The following GRK4 variants were observed in gnomAD, a reference collection of about 807,000 sequenced individuals.
The protein encoded by GRK4 is G protein-coupled receptor kinase 4, also known as G protein-coupled receptor kinase 2-like.
A neutral mutation model predicts 77.9 loss-of-function variants in GRK4; 73 were observed. That is an observed-to-expected ratio of 0.94 (90% confidence interval 0.78 to 1.14). The LOEUF (loss-of-function observed/expected upper bound fraction) is 1.14, where lower values mean the gene tolerates loss of function less well. GRK4 is among the 50% of genes most tolerant of loss of function. The probability of loss-of-function intolerance (pLI) is 0.00; values close to 1 mark genes in which losing one functional copy is unlikely to be tolerated. For missense variants in GRK4, 729 were observed against 700.2 expected, an observed-to-expected ratio of 1.04 and a Z score of -0.46; for synonymous variants, 257 against 254.4, an observed-to-expected ratio of 1.01 and a Z score of -0.10.
At chr4:3,013,888 C>T (rs1045506064) in intron 8 of GRK4, 60 bp downstream of exon 8, 69 of 1,499,300 alleles carry the variant, frequency 4.6e-5, no homozygotes, top group Non-Finnish European at 6.0e-5. Context: ...TTTTGTCAGC[C>T]GACATGCCGC....
chr4:2,975,259 C>T (rs1376183499), intron 1 of GRK4, among the ~76,000 whole-genome samples: 2 of 152,152 alleles, frequency 1.3e-5, no homozygotes, highest in African/African-American at 4.8e-5. Context: ...GCCAAGATCA[C>T]ACCACTGCAC....
At chr4:2,990,867 C>T (rs1390917429) in intron 3 of GRK4, among the ~76,000 whole-genome samples, 1 of 152,092 alleles carries the variant, frequency 6.6e-6, no homozygotes, top group Non-Finnish European at 1.5e-5. Flanking sequence ...GAAATAATGT[C>T]TGATTGTGCC....
chr4:3,013,162 G>A (rs926462106), intron 7 of GRK4, among the ~76,000 whole-genome samples: 6 of 151,798 alleles, frequency 4.0e-5, no homozygotes, highest in Non-Finnish European at 8.8e-5. Context: ...TCCTGCCTCA[G>A]CCTCTGGAGT....
chr4:3,025,976 C>T (rs1281669969), intron 10 of GRK4, among the ~76,000 whole-genome samples: 1 of 152,270 alleles, frequency 6.6e-6, no homozygotes, highest in African/African-American at 2.4e-5. Context: ...TCATGGACGG[C>T]TTCCGTCCGT....
At chr4:2,969,751 GC>G (rs1718925124) in intron 1 of GRK4, among the ~76,000 whole-genome samples, 3 of 151,686 alleles carry the variant, frequency 2.0e-5, no homozygotes, top group African/African-American at 7.3e-5. Flanking sequence ...AGCTACTGAA[GC>G]CTCAAAGCCT....
chr4:2,986,950 C>T (rs1578065771), intron 2 of GRK4: 1 of 313,548 alleles, frequency 3.2e-6, no homozygotes, highest in East Asian at 8.3e-5. Flanking sequence ...TAAATAACTG[C>T]TTCTTGAAGA....
rs199754747 is a variant in GRK4 at position 3,004,315 on chromosome 4, G to A, written c.424G>A (p.Ala142Thr). The A allele has an allele frequency of 1.2e-6, 2 of 1,610,744 alleles. No individual in the cohort carries two copies. Among genetic ancestry groups the A allele is most frequent in the East Asian group, 2.2e-5 (1 of 44,856 alleles). The change falls in exon 5 of 16, where the codon GCC (alanine) becomes ACC (threonine). Residue 142 changes from alanine (A) to threonine (T), a missense_variant. Physicochemically the swap from Ala to Thr is moderately conservative, Grantham distance 58 (BLOSUM62 0). Transcript: ENST00000398052. Reference protein sequence around the residue: ...GLKEENPSKKAFEECTRVAHN... With the variant: ...GLKEENPSKKTFEECTRVAHN... ...GAAGGAGGAGAACCCTTCCAAAAAA[G>A]CCTTTGAGGAATGTACTAGGTAAGT...
At chr4:3,022,809 T>C (rs1040796811) in intron 10 of GRK4, among the ~76,000 whole-genome samples, 10 of 152,258 alleles carry the variant, frequency 6.6e-5, no homozygotes, top group Non-Finnish European at 1.0e-4. Context: ...ATCTCAGCTT[T>C]CTGCATAGCT....
At chr4:2,988,912 G>A (rs568609486) in intron 3 of GRK4, 73 bp downstream of exon 3, 20 of 926,394 alleles carry the variant, frequency 2.2e-5, no homozygotes, top group African/African-American at 9.7e-5. Flanking sequence ...TTGGCCAGGC[G>A]CAGTAGCTCA....
At chr4:2,981,040 T>G (rs927965079) in intron 1 of GRK4, among the ~76,000 whole-genome samples, 1 of 152,264 alleles carries the variant, frequency 6.6e-6, no homozygotes, top group African/African-American at 2.4e-5. Flanking sequence ...GCTGTGGCTG[T>G]GGCTAGACCA....
intron 1 of GRK4, among the ~76,000 whole-genome samples, chr4:2,972,981 C>T (rs1402967347): frequency 1.3e-5 from 2 of 152,152 alleles, no homozygotes; most frequent in African/African-American, 4.8e-5. Flanking sequence ...GTGATCTGCC[C>T]AACTCAGCCT....
chr4:2,974,196 T>G (rs1489562186), intron 1 of GRK4, among the ~76,000 whole-genome samples: 1 of 152,200 alleles, frequency 6.6e-6, no homozygotes, highest in Non-Finnish European at 1.5e-5. Context: ...TAGCACTTAT[T>G]ATTATCTCAT....
intron 9 of GRK4, among the ~76,000 whole-genome samples, chr4:3,022,198 T>C (rs1274982429): frequency 6.6e-6 from 1 of 152,276 alleles, no homozygotes; most frequent in Non-Finnish European, 1.5e-5. Flanking sequence ...TGTATAACTA[T>C]GCAAAGAAGT....
At chr4:3,027,337 G>A (rs751088315) in intron 10 of GRK4, among the ~76,000 whole-genome samples, 8 of 152,184 alleles carry the variant, frequency 5.3e-5, no homozygotes, top group Non-Finnish European at 8.8e-5. Flanking sequence ...GTGAACCACC[G>A]TGTCTGGCCT....
In GRK4 at chr4:3,004,303, C is replaced by T. The variant is rs749248762; in HGVS notation, c.412C>T (p.Pro138Ser). 1.5e-5 allele frequency: 24 copies of T among 1,612,912 alleles called. No individual in the cohort carries two copies. The highest frequency in any genetic ancestry group is 5.0e-5 in the Admixed American group (3 of 59,918). The change falls in exon 5 of 16, where the codon CCT becomes TCT. Residue 138 changes from proline to serine, a missense_variant. By Grantham distance (74) the Pro-to-Ser change is moderately conservative. Coordinates refer to ENST00000398052, the MANE Select transcript of GRK4 (RefSeq NM_182982.3). Reference sequence around the variant, plus strand: ...TAGATTGGGACTGAAGGAGGAGAACCCTTCCAAAAAAGCCTTTGAGGAATG... The same window carrying T: ...TAGATTGGGACTGAAGGAGGAGAACTCTTCCAAAAAAGCCTTTGAGGAATG... The part of the protein sequence containing the change: ...ECRLGLKEEN[P>S]SKKAFEECTR...
chr4:2,989,213 G>A (rs1725398924), intron 3 of GRK4, among the ~76,000 whole-genome samples: 1 of 151,900 alleles, frequency 6.6e-6, no homozygotes, highest in Admixed American at 6.6e-5. Flanking sequence ...CTAGACCTGG[G>A]CAATGATGTA....
In GRK4 at chr4:3,038,462, C is replaced by T; in HGVS notation, c.1632C>T (p.Thr544=). The change falls in exon 15 of 16, where the codon ACC becomes ACT. Residue 544 remains threonine, a synonymous_variant. Coordinates refer to ENST00000398052, the MANE Select transcript of GRK4 (RefSeq NM_182982.3). The part of the protein sequence containing the change: ...LPLDLDKNIH[T]PVSRPNRGFF... ...TAGATCTAGACAAGAACATACATAC[C>T]CCGGTTTCCAGACCAAACAGAGGCT... is the stretch of plus-strand genomic sequence containing the variant. 6.2e-7 allele frequency: 1 copy of T among 1,614,046 alleles called. No homozygotes were observed. Among genetic ancestry groups the T allele is most frequent in the African/African-American group, 1.3e-5 (1 of 74,988 alleles).
chr4:2,992,356 C>G (rs1387277220), intron 4 of GRK4, 64 bp downstream of exon 4: 3 of 1,088,882 alleles, frequency 2.8e-6, no homozygotes, highest in Non-Finnish European at 1.4e-6. Context: ...GCCATTTTTA[C>G]TTTGTTAGAT....
chr4:2,965,139 C>A, intron 1 of GRK4: 1 of 614,952 alleles, frequency 1.6e-6, no homozygotes, highest in South Asian at 1.9e-5. Flanking sequence ...AAAAATCCTG[C>A]TTAGTCTTTG....
Sources: gnomAD v4.1 joint callset for allele counts (sites outside exome capture counted in the v4.1 genomes callset) on GRCh38, gnomAD v4.1.1 for gene constraint, MANE v1.5 for transcripts, NCBI Gene and HGNC (gene_info 2026-07-23, HGNC 2026-07-21) for gene names.